The following CCNJL variants were observed in gnomAD, a reference collection of about 807,000 sequenced individuals.
CCNJL encodes cyclin-J-like protein.
In CCNJL, 33 loss-of-function variants were observed where a neutral mutation model predicts 33.4. The ratio of observed to expected loss-of-function variants is 0.99; its 90% CI spans 0.75 to 1.32. The LOEUF is 1.32. CCNJL is among the 40% of genes most tolerant of loss of function. CCNJL has a pLI of 0.00. For missense variants in CCNJL, 512 were observed against 499.7 expected, an observed-to-expected ratio of 1.02 and a Z score of -0.23; for synonymous variants, 227 against 220.9, an observed-to-expected ratio of 1.03 and a Z score of -0.24.
intron 1 of CCNJL, among the ~76,000 whole-genome samples, chr5:160,320,852 TCTTTCTTTCTTTCTTTC>T (rs1195548117): frequency 1.4e-5 from 2 of 140,632 alleles, no homozygotes; most frequent in Non-Finnish European, 1.5e-5. Context: ...TTTCTTTCCT[TCTTTCTTTCTTTCTTTC>T]TCTCTTTCTT....
chr5:160,258,664 C>A, intron 4 of CCNJL: 1 of 886,426 alleles, frequency 1.1e-6, no homozygotes, highest in South Asian at 1.3e-5. Flanking sequence ...ATTATTTGGT[C>A]TGCAGCTGTT....
chr5:160,330,866 G>C (rs1324530214), intron 1 of CCNJL, among the ~76,000 whole-genome samples: 1 of 152,112 alleles, frequency 6.6e-6, no homozygotes, highest in East Asian at 1.9e-4. Flanking sequence ...GTTTCACCAT[G>C]TTGGCCGGGC....
At chr5:160,307,857 A>G (rs958352677) in intron 2 of CCNJL, among the ~76,000 whole-genome samples, 1 of 152,200 alleles carries the variant, frequency 6.6e-6, no homozygotes, top group Non-Finnish European at 1.5e-5. Flanking sequence ...GGTGGCCTAC[A>G]GGAAGGGGAG....
chr5:160,329,350 CTT>C (rs1164893806), intron 1 of CCNJL, among the ~76,000 whole-genome samples: 40 of 132,986 alleles, frequency 3.0e-4, no homozygotes, highest in South Asian at 2.5e-4. Flanking sequence ...AGGAAGTCTT[CTT>C]TTTTTTTTTT....
At chr5:160,281,992 T>C (rs1934426655) in intron 2 of CCNJL, among the ~76,000 whole-genome samples, 1 of 152,088 alleles carries the variant, frequency 6.6e-6, no homozygotes, top group African/African-American at 2.4e-5. Context: ...TTTGCAACAT[T>C]TTGCCAAAGA....
At chr5:160,324,298 C>T (rs115677193) in intron 1 of CCNJL, among the ~76,000 whole-genome samples, 1 of 152,160 alleles carries the variant, frequency 6.6e-6, no homozygotes, top group Admixed American at 6.5e-5. Context: ...TCTGGCCAGG[C>T]GTGGTGGCTC....
intron 3 of CCNJL, among the ~76,000 whole-genome samples, chr5:160,278,983 G>A (rs902577660): frequency 6.6e-6 from 1 of 152,216 alleles, no homozygotes; most frequent in African/African-American, 2.4e-5. Context: ...GTTGGCCAAA[G>A]GTAGAGAAAA....
chr5:160,253,831 G>T (rs752273604), intron 5 of CCNJL, 33 bp from the exon 6 acceptor site: 1 of 1,474,970 alleles, frequency 6.8e-7, no homozygotes, highest in Middle Eastern at 1.8e-4. Context: ...AGAACTGGAG[G>T]CCAAAAGCCA....
intron 3 of CCNJL, chr5:160,269,447 C>T (rs780710665): frequency 8.8e-6 from 4 of 456,376 alleles, no homozygotes; most frequent in African/African-American, 2.0e-5. Flanking sequence ...TTAAAGAAAG[C>T]TCACTCCTAA....
intron 4 of CCNJL, among the ~76,000 whole-genome samples, chr5:160,256,906 A>G (rs1208552522): frequency 1.3e-5 from 2 of 152,032 alleles, no homozygotes; most frequent in African/African-American, 2.4e-5. Flanking sequence ...CGACAGGGCA[A>G]GACTTCATCT....
intron 4 of CCNJL, among the ~76,000 whole-genome samples, chr5:160,256,544 A>G (rs1761070380): frequency 6.6e-6 from 1 of 152,232 alleles, no homozygotes; most frequent in African/African-American, 2.4e-5. Context: ...CTGGTGCTAA[A>G]TATGTGCAAA....
chr5:160,310,317 C>A (rs140625975), intron 2 of CCNJL, among the ~76,000 whole-genome samples: 1 of 152,210 alleles, frequency 6.6e-6, no homozygotes, highest in Non-Finnish European at 1.5e-5. Context: ...ATGTGCCACA[C>A]GTTGGCCACT....
At chr5:160,261,222 G>GA (rs2113249017) in intron 3 of CCNJL, 3 of 152,308 alleles carry the variant, frequency 2.0e-5, no homozygotes, top group African/African-American at 7.2e-5. Context: ...ACTGCAGAAT[G>GA]AATCAACCAC....
At chr5:160,259,892 A>G in intron 3 of CCNJL, 121 bp from the exon 4 acceptor site, 1 of 782,360 alleles carries the variant, frequency 1.3e-6, no homozygotes, top group Non-Finnish European at 2.1e-6. Flanking sequence ...CAGACAGGCC[A>G]GACTGCGGAG....
At chr5:160,263,097 T>C (rs1416014979) in intron 3 of CCNJL, among the ~76,000 whole-genome samples, 2 of 152,164 alleles carry the variant, frequency 1.3e-5, no homozygotes, top group African/African-American at 4.8e-5. Flanking sequence ...AATGAACACA[T>C]AGGACCCTTC....
intron 3 of CCNJL, among the ~76,000 whole-genome samples, chr5:160,279,700 A>C (rs1044916539): frequency 6.6e-6 from 1 of 152,192 alleles, no homozygotes; most frequent in African/African-American, 2.4e-5. Context: ...TAGAGGGAAC[A>C]GCATGTGCAA....
chr5:160,259,594 T>C lies in CCNJL; in HGVS notation c.458A>G (p.Tyr153Cys), dbSNP rs759291791. Residue 153 changes from tyrosine to cysteine, a missense_variant, in exon 4 of 6, where the codon TAC becomes TGC. Physicochemically the swap from Tyr to Cys is radical, Grantham distance 194. Transcript: ENST00000257536. ...CTGGCTGACGGAGGCCAAGAGGTAG[T>C]AGTCCAGGAAGTGGGCAGGCGTGGG... ...CLPTPAHFLD[Y>C]YLLASVSQKD... 14 of 1,614,038 alleles carry C rather than the reference T, an allele frequency of 8.7e-6. No individual in the cohort carries two copies. In the Admixed American group the frequency reaches 2.3e-4, roughly 27 times the overall value.
At chr5:160,258,094 C>T (rs1222405882) in intron 4 of CCNJL, among the ~76,000 whole-genome samples, 1 of 152,042 alleles carries the variant, frequency 6.6e-6, no homozygotes, top group Non-Finnish European at 1.5e-5. Context: ...GATCTGCCCA[C>T]CTCAGCCTCC....
Position 160,252,979 on chromosome 5 carries a change from T to A in CCNJL, c.*399A>T, listed in dbSNP as rs1357899920. 6.3e-6 allele frequency: 1 copy of A among 159,822 alleles called. No homozygotes were observed. The highest frequency in any genetic ancestry group is 1.4e-5 in the Non-Finnish European group (1 of 73,218). The allele number at this position is 159,822 out of a possible 1,614,324, so 9.9% of individuals were successfully genotyped here. A position where few individuals can be genotyped will look rare whatever the true frequency, so the allele number is the denominator to read the frequency against. On this transcript the variant is annotated 3_prime_UTR_variant, in exon 6 of 6. Transcript: ENST00000257536. The stretch of plus-strand genomic sequence containing the variant: ...AACACGCCAGGCTGCCCCTCCTTTT[T>A]CAGCGGTGTAGCTGCCATCAGCAAA...
Sources: gnomAD v4.1 joint callset for allele counts (sites outside exome capture counted in the v4.1 genomes callset) on GRCh38, gnomAD v4.1.1 for gene constraint, MANE v1.5 for transcripts, NCBI Gene and HGNC (gene_info 2026-07-23, HGNC 2026-07-21) for gene names.